RBM20: variants seen among roughly 807,000 people sequenced by gnomAD.
RBM20 encodes RNA-binding protein 20.
RBM20 carries 51 observed loss-of-function variants against 110.1 expected under a neutral mutation model. The observed-to-expected ratio is 0.46, with a 90% confidence interval of 0.37 to 0.59. The LOEUF is 0.59. Ranked by LOEUF, RBM20 falls within the 20% of genes least tolerant of loss-of-function variation. The probability of loss-of-function intolerance (pLI) is 0.00; values close to 1 mark genes in which losing one functional copy is unlikely to be tolerated. For synonymous variants in RBM20, 589 were observed against 618.2 expected (o/e 0.95, Z 0.70); for missense variants, 1,512 against 1,574.9 (o/e 0.96, Z 0.68).
In RBM20 at chr10:110,746,769, A is replaced by G. The variant is rs938974035; in HGVS notation, c.192-34032A>G. ...TTGTGGGAAATTTCTTCACCTCCCC[A>G]AATGGGGGACTGGAGTAAGATGCTG... On this transcript the variant is annotated intron_variant, in intron 1 of 13. Coordinates refer to ENST00000369519, the MANE Select transcript of RBM20 (RefSeq NM_001134363.3). Among the ~76,000 whole-genome samples, 5 of 152,214 alleles carry G rather than the reference A, an allele frequency of 3.3e-5. No individual in the cohort carries two copies. The South Asian group carries it at 6.2e-4, about 19-fold the overall frequency.
chr10:110,708,860 T>C (rs1275628165), intron 1 of RBM20, among the ~76,000 whole-genome samples: 1 of 152,142 alleles, frequency 6.6e-6, no homozygotes, highest in Non-Finnish European at 1.5e-5. Context: ...GTTCAAGAAA[T>C]GGCTTGGAAT....
At chr10:110,751,820 T>G (rs554530753) in intron 1 of RBM20, among the ~76,000 whole-genome samples, 1 of 152,324 alleles carries the variant, frequency 6.6e-6, no homozygotes, top group Non-Finnish European at 1.5e-5. Context: ...TGTTGGGTTT[T>G]GGGAAGGAAC....
intron 6 of RBM20, 133 bp downstream of exon 6, chr10:110,797,781 G>A (rs541448390): frequency 5.7e-5 from 53 of 934,762 alleles, no homozygotes; most frequent in Non-Finnish European, 7.3e-5. Context: ...TGTTGGCATG[G>A]CGTAGGTGTT....
chr10:110,784,483 C>A, intron 4 of RBM20, 51 bp downstream of exon 4: 2 of 1,304,730 alleles, frequency 1.5e-6, no homozygotes, highest in Non-Finnish European at 2.2e-6. Flanking sequence ...GGGCTACCCA[C>A]AGGCACATTA....
intron 1 of RBM20, among the ~76,000 whole-genome samples, chr10:110,720,636 T>A (rs976912002): frequency 6.6e-6 from 1 of 151,788 alleles, no homozygotes; most frequent in African/African-American, 2.4e-5. Flanking sequence ...CTGCAGTGCC[T>A]GTCCCACCCT....
At chr10:110,663,881 TA>T (rs1289740724) in intron 1 of RBM20, among the ~76,000 whole-genome samples, 13 of 152,204 alleles carry the variant, frequency 8.5e-5, no homozygotes, top group Admixed American at 2.6e-4. Context: ...GACACTAATA[TA>T]TATCCACACA....
At chr10:110,782,176 A>T (rs1183317402) in intron 2 of RBM20, among the ~76,000 whole-genome samples, 1 of 152,208 alleles carries the variant, frequency 6.6e-6, no homozygotes. Context: ...TGCAGAGAGA[A>T]GGGGCTCAGG....
chr10:110,798,769 T>G (rs1315174549), intron 6 of RBM20, among the ~76,000 whole-genome samples: 1 of 151,950 alleles, frequency 6.6e-6, no homozygotes, highest in Non-Finnish European at 1.5e-5. Context: ...AATGAGAGAG[T>G]CAGGGGCTCA....
intron 1 of RBM20, among the ~76,000 whole-genome samples, chr10:110,705,327 G>A (rs1862819999): frequency 6.6e-6 from 1 of 152,168 alleles, no homozygotes; most frequent in Non-Finnish European, 1.5e-5. Flanking sequence ...ATGAATGATT[G>A]AAGAAGAATG....
rs147760047 is a variant in RBM20, at chr10:110,646,125, C to T, written c.191+1480C>T. On this transcript the variant is annotated intron_variant, in intron 1 of 13. Transcript: ENST00000369519. ...TGCTTCGTACGGAGCCAGTGTCTTG[C>T]GGCTTGAAATCAGGCTGCATATGAA... Among the ~76,000 whole-genome samples, 950 of 152,222 alleles carry T rather than the reference C, an allele frequency of 6.2e-3. 6 individuals carry two copies. Among genetic ancestry groups the T allele is most frequent in the African/African-American group, 0.02 (851 of 41,514 alleles).
At chr10:110,763,257 A>G (rs920207853) in intron 1 of RBM20, among the ~76,000 whole-genome samples, 2 of 152,016 alleles carry the variant, frequency 1.3e-5, no homozygotes, top group Non-Finnish European at 2.9e-5. Context: ...GTCTGAATTC[A>G]GTCCCAGCAG....
intron 1 of RBM20, among the ~76,000 whole-genome samples, chr10:110,658,371 G>A (rs2134818830): frequency 6.6e-6 from 1 of 152,268 alleles, no homozygotes; most frequent in Admixed American, 6.5e-5. Flanking sequence ...CATTCACAGG[G>A]CACTTTGTTT....
chr10:110,659,138 T>C (rs1862064523), intron 1 of RBM20, among the ~76,000 whole-genome samples: 2 of 152,238 alleles, frequency 1.3e-5, no homozygotes, highest in South Asian at 4.1e-4. Context: ...TGAGAAATAC[T>C]AGTCAGGATG....
Position 110,656,821 on chromosome 10 carries a change from GAAT to G in RBM20, c.191+12181_191+12183del, listed in dbSNP as rs533844581. On this transcript the variant is annotated intron_variant, in intron 1 of 13. Transcript: ENST00000369519. The stretch of plus-strand genomic sequence containing the variant: ...CAGCACTTCATGCCTTTTCACTGCC[GAAT>G]AATACTCCATTGTATAGGTACCGAA... Among the ~76,000 whole-genome samples, 11 of 152,236 alleles carry G rather than the reference GAAT, an allele frequency of 7.2e-5. No individual in the cohort carries two copies. In the East Asian group the frequency reaches 2.1e-3, roughly 29 times the overall value.
chr10:110,787,966 C>A (rs1023170539), intron 5 of RBM20, among the ~76,000 whole-genome samples: 1 of 152,156 alleles, frequency 6.6e-6, no homozygotes. Context: ...CTCATTTAGT[C>A]CTCTAGACAA....
chr10:110,835,328 C>CTTTTTTTTTTTTTTTTTTTTTTTT (rs1318271687), intron 13 of RBM20: 1 of 106,678 alleles, frequency 9.4e-6, no homozygotes, highest in African/African-American at 3.6e-5. Context: ...TTCTTTTTTT[C>CTTTTTTTTTTTTTTTTTTTTTTTT]TTTTTTTTTT....
chr10:110,824,346 T>C (rs573470590), intron 12 of RBM20, among the ~76,000 whole-genome samples: 1 of 152,180 alleles, frequency 6.6e-6, no homozygotes, highest in Non-Finnish European at 1.5e-5. Context: ...CAATGCTACA[T>C]ATTTTTTTCT....
chr10:110,697,276 G>T (rs564548167), intron 1 of RBM20, among the ~76,000 whole-genome samples: 1 of 152,178 alleles, frequency 6.6e-6, no homozygotes, highest in Non-Finnish European at 1.5e-5. Context: ...GTGTCCATGC[G>T]TCAGTATCCC....
At chr10:110,768,792 T>A (rs1039389985) in intron 1 of RBM20, among the ~76,000 whole-genome samples, 2 of 152,244 alleles carry the variant, frequency 1.3e-5, no homozygotes, top group Admixed American at 6.5e-5. Context: ...CCTGGCATTC[T>A]GCAGCAGAAA....
Sources: allele counts gnomAD v4.1 joint callset (sites outside exome capture counted in the v4.1 genomes callset), GRCh38; gene constraint gnomAD v4.1.1; transcripts MANE v1.5; gene names NCBI Gene and HGNC (gene_info 2026-07-23, HGNC 2026-07-21).